PRKN: variants seen among roughly 807,000 people sequenced by gnomAD.
PRKN encodes parkin RBR E3 ubiquitin protein ligase, also known as E3 ubiquitin-protein ligase parkin.
PRKN carries 56 observed loss-of-function variants against 59.5 expected under a neutral mutation model. The ratio of observed to expected loss-of-function variants is 0.94; its 90% CI spans 0.76 to 1.18. The LOEUF (loss-of-function observed/expected upper bound fraction) is 1.18, where lower values mean the gene tolerates loss of function less well. Among genes scored for constraint, PRKN ranks in the 50% most tolerant of loss-of-function variants. PRKN has a pLI of 0.00. For synonymous variants in PRKN, 250 were observed against 222.1 expected (o/e 1.13, Z -1.12); for missense variants, 657 against 596.4 (o/e 1.10, Z -1.06).
chr6:161,930,608 T>C (rs1245918243), intron 6 of PRKN, among the ~76,000 whole-genome samples: 1 of 152,336 alleles, frequency 6.6e-6, no homozygotes, highest in African/African-American at 2.4e-5. Context: ...CACTGAATCA[T>C]TGTGGTAGGC....
chr6:161,801,660 C>T (rs533306815), intron 6 of PRKN, among the ~76,000 whole-genome samples: 9 of 152,220 alleles, frequency 5.9e-5, no homozygotes, highest in African/African-American at 1.4e-4. Flanking sequence ...AATAATCGAA[C>T]GGGCCTTAGA....
chr6:161,590,797 AATTG>A (rs764291636), intron 7 of PRKN, among the ~76,000 whole-genome samples: 2 of 152,056 alleles, frequency 1.3e-5, no homozygotes, highest in Non-Finnish European at 2.9e-5. Context: ...GACAAACACA[AATTG>A]AAGGATAGTC....
intron 6 of PRKN, among the ~76,000 whole-genome samples, chr6:161,831,534 A>G (rs570671814): frequency 5.3e-4 from 81 of 152,310 alleles, no homozygotes; most frequent in African/African-American, 1.8e-3. Flanking sequence ...AACATTAGCC[A>G]TGCATTTCAA....
chr6:161,786,494 A>C (rs1042930784), intron 6 of PRKN, among the ~76,000 whole-genome samples: 12 of 152,302 alleles, frequency 7.9e-5, no homozygotes, highest in African/African-American at 2.9e-4. Flanking sequence ...TTTACTAGTA[A>C]TCCCATAAAC....
rs143477190 is a variant in PRKN, at chr6:162,443,433, C to T, written c.48G>A (p.Glu16=). The T allele has an allele frequency of 4.8e-4, 777 of 1,614,094 alleles. 3 individuals are homozygous for T. In the African/African-American group the frequency reaches 8.0e-3, roughly 17 times the overall value. ...RFNSSHGFPV[E]VDSDTSIFQL... The stretch of plus-strand genomic sequence containing the variant: ...GGAAGATGCTGGTGTCAGAATCGAC[C>T]TCCACTGGGAAACCATGGCTGGAGT... Residue 16 remains glutamate (E), a synonymous_variant, in exon 2 of 12, where the codon GAG becomes GAA. Coordinates refer to ENST00000366898, the MANE Select transcript of PRKN (RefSeq NM_004562.3).
At chr6:161,482,598 C>A (rs1218902823) in intron 9 of PRKN, among the ~76,000 whole-genome samples, 3 of 152,166 alleles carry the variant, frequency 2.0e-5, no homozygotes, top group Non-Finnish European at 4.4e-5. Flanking sequence ...GAACAAAGTA[C>A]AATGCACATT....
intron 1 of PRKN, among the ~76,000 whole-genome samples, chr6:162,505,835 G>A (rs1341886691): frequency 1.3e-5 from 2 of 152,190 alleles, no homozygotes; most frequent in African/African-American, 4.8e-5. Context: ...AGAGGTGTCT[G>A]CTAGATTATT....
chr6:161,790,343 C>T lies in PRKN; in HGVS notation c.735-4435G>A, dbSNP rs771317863. Among the ~76,000 whole-genome samples the T allele has an allele frequency of 3.9e-4, 59 of 152,284 alleles. 1 individual carries two copies. Among genetic ancestry groups the T allele is most frequent in the Non-Finnish European group, 5.6e-4 (38 of 68,012 alleles). ...GGGACAAGATGAAAAGAGTTGAGAA[C>T]AGAGGAGATTCTGGCCAGGGATCAG... On this transcript the variant is annotated intron_variant, in intron 6 of 11. Transcript: ENST00000366898.
intron 2 of PRKN, among the ~76,000 whole-genome samples, chr6:162,424,001 C>T (rs111807325): frequency 7.9e-5 from 12 of 152,228 alleles, no homozygotes; most frequent in African/African-American, 2.9e-4. Context: ...AAGCAACCAG[C>T]GTGTCCTCAT....
intron 7 of PRKN, among the ~76,000 whole-genome samples, chr6:161,705,503 G>A (rs532860332): frequency 2.6e-5 from 4 of 152,308 alleles, no homozygotes; most frequent in Admixed American, 6.5e-5. Context: ...GACTGTCTGT[G>A]TAGGGATTCT....
chr6:162,226,901 C>T (rs1778202319), intron 3 of PRKN, among the ~76,000 whole-genome samples: 1 of 152,194 alleles, frequency 6.6e-6, no homozygotes, highest in Non-Finnish European at 1.5e-5. Context: ...GGCTCCAGTC[C>T]CCTCCTTGGT....
Position 161,399,066 on chromosome 6 carries a change from G to T in PRKN, c.1084-12189C>A, listed in dbSNP as rs541903301. Among the ~76,000 whole-genome samples, 149 of 152,292 alleles carry T rather than the reference G, an allele frequency of 9.8e-4. 1 individual carries two copies. The highest frequency in any genetic ancestry group is 3.5e-3 in the African/African-American group (147 of 41,544). On this transcript the variant is annotated intron_variant, in intron 9 of 11. Transcript: ENST00000366898. The surrounding 1 kb of genome is among the most constrained non-coding windows in gnomAD (Gnocchi z 4.4). ...AGCAGAAGAGCAGCAGAGGAGAGAA[G>T]AGAAGGAATATCTGAATGTCGAGAG...
intron 1 of PRKN, among the ~76,000 whole-genome samples, chr6:162,702,792 T>C (rs554297361): frequency 1.3e-4 from 20 of 152,210 alleles, no homozygotes; most frequent in Non-Finnish European, 2.5e-4. Flanking sequence ...AGAGAATTAA[T>C]AGTGCATAAT....
At position 161,417,296 on chromosome 6, in the gene PRKN, A is replaced by G. The variant is rs1787895455; in HGVS notation, c.1084-30419T>C. 1.3e-5 allele frequency among the ~76,000 whole-genome samples: 2 copies of G among 152,098 alleles called. No homozygotes were observed. The highest frequency in any genetic ancestry group is 4.1e-4 in the South Asian group (2 of 4,826). ...GAAACCCTGTCTCTACTAAAAATAC[A>G]AAAATTAGCCGGGTGTGGTGGCGCC... On this transcript the variant is annotated intron_variant, in intron 9 of 11. Coordinates refer to ENST00000366898, the MANE Select transcript of PRKN (RefSeq NM_004562.3). The surrounding 1 kb of genome is among the most constrained non-coding windows in gnomAD (Gnocchi z 5.4).
intron 1 of PRKN, among the ~76,000 whole-genome samples, chr6:162,490,197 T>C (rs1433188167): frequency 6.6e-6 from 1 of 152,172 alleles, no homozygotes; most frequent in African/African-American, 2.4e-5. Context: ...TTCTGGGTTA[T>C]TGCCTCATGA....
chr6:161,431,861 C>T (rs1286463248), intron 9 of PRKN, among the ~76,000 whole-genome samples: 3 of 152,300 alleles, frequency 2.0e-5, no homozygotes, highest in East Asian at 1.9e-4. Context: ...AATCCACACC[C>T]GCCTTAGCCT....
intron 8 of PRKN, among the ~76,000 whole-genome samples, chr6:161,567,959 C>G (rs1468267933): frequency 1.3e-5 from 2 of 152,132 alleles, no homozygotes; most frequent in African/African-American, 2.4e-5. Flanking sequence ...TTGGGAGAGT[C>G]AGTTGTCAAC....
At chr6:162,514,049 AAAAAAG>A (rs1468495792) in intron 1 of PRKN, among the ~76,000 whole-genome samples, 5 of 152,232 alleles carry the variant, frequency 3.3e-5, no homozygotes, top group East Asian at 1.9e-4. Flanking sequence ...CCATCTCAAA[AAAAAAG>A]AAAAAGAAAA....
At chr6:162,293,656 C>T (rs1781537028) in intron 2 of PRKN, among the ~76,000 whole-genome samples, 1 of 151,464 alleles carries the variant, frequency 6.6e-6, no homozygotes, top group African/African-American at 2.4e-5. Context: ...ACAGAGGGCT[C>T]TCCTCCCAGC....
Sources: gnomAD v4.1 joint callset for allele counts (sites outside exome capture counted in the v4.1 genomes callset) on GRCh38, gnomAD v4.1.1 for gene constraint, Gnocchi (gnomAD v3.1) non-coding constraint, MANE v1.5 for transcripts, NCBI Gene and HGNC (gene_info 2026-07-23, HGNC 2026-07-21) for gene names.